The following FBXL19 variants were observed in gnomAD, a reference collection of about 807,000 sequenced individuals.
The protein encoded by FBXL19 is F-box and leucine rich repeat protein 19.
Under a neutral mutation model 71.2 loss-of-function variants are expected in FBXL19, and 16 were observed. The ratio of observed to expected loss-of-function variants is 0.22; its 90% CI spans 0.15 to 0.34. The LOEUF is 0.34. FBXL19 is among the 10% of genes least tolerant of loss of function. FBXL19 has a pLI of 1.00. For synonymous variants in FBXL19, 447 were observed against 409.4 expected (o/e 1.09, Z -1.11); for missense variants, 658 against 968.2 (o/e 0.68, Z 4.25).
intron 7 of FBXL19, among the ~76,000 whole-genome samples, chr16:30,936,494 C>T (rs1001257433): frequency 4.7e-5 from 7 of 150,526 alleles, no homozygotes; most frequent in South Asian, 2.1e-4. Flanking sequence ...GCGACAATCT[C>T]GGCTCACTGC....
At chr16:30,935,475 G>A (rs935839774) in intron 7 of FBXL19, among the ~76,000 whole-genome samples, 7 of 152,188 alleles carry the variant, frequency 4.6e-5, no homozygotes, top group Non-Finnish European at 8.8e-5. Context: ...GGGCAGCAGG[G>A]AAGGCGTGCA....
chr16:30,936,403 C>T (rs1049301422), intron 7 of FBXL19, among the ~76,000 whole-genome samples: 4 of 151,614 alleles, frequency 2.6e-5, no homozygotes, highest in Non-Finnish European at 5.9e-5. Context: ...GTTGTGGGAC[C>T]TTGAATACAT....
Position 30,930,383 on chromosome 16 carries a change from G to T in FBXL19, c.1100G>T (p.Gly367Val), listed in dbSNP as rs1258101881. 6.5e-7 allele frequency: 1 copy of T among 1,542,424 alleles called. No individual in the cohort carries two copies. The highest frequency in any genetic ancestry group is 2.0e-5 in the Admixed American group (1 of 50,950). ...SGGPLLSWPL[G>V]PAPPPRPPQL... ...GGGCCCCTACTCAGCTGGCCCCTGG[G>T]CCCAGCCCCACCACCCCGGCCTCCA... The change falls in exon 7 of 11, where the codon GGC (glycine) becomes GTC (valine). Residue 367 changes from glycine to valine, a missense_variant. Coordinates refer to ENST00000338343, the MANE Select transcript of FBXL19 (RefSeq NM_001382779.1). The surrounding 1 kb of genome is among the most constrained non-coding windows in gnomAD (Gnocchi z 8.5).
chr16:30,946,272 T>C lies in FBXL19; in HGVS notation c.1628-458T>C, dbSNP rs1451038377. ...AGGCTGGGGTGCAGTGGCACAATCG[T>C]GGCTCACTGCAACCTCCACCTCTCG... On this transcript the variant is annotated intron_variant, in intron 9 of 10. Transcript: ENST00000338343. This position sits in a 1 kb window ranked among gnomAD's most constrained non-coding sequence, Gnocchi z 6.7. 1.3e-5 allele frequency among the ~76,000 whole-genome samples: 2 copies of C among 152,178 alleles called. No homozygotes were observed. The highest frequency in any genetic ancestry group is 2.9e-5 in the Non-Finnish European group (2 of 68,020).
chr16:30,940,655 TTTTGTTTG>T (rs570540459), intron 7 of FBXL19, among the ~76,000 whole-genome samples: 22 of 151,862 alleles, frequency 1.4e-4, no homozygotes, highest in East Asian at 5.8e-4. Context: ...ACTGCATGTT[TTTTGTTTG>T]TTTGTTTGTT....
Position 30,942,170 on chromosome 16 carries a change from G to A in FBXL19, c.1356G>A (p.Leu452=). The change falls in exon 8 of 11, where the codon CTG becomes CTA. Residue 452 remains leucine, a synonymous_variant. Transcript: ENST00000338343. This position sits in a 1 kb window ranked among gnomAD's most constrained non-coding sequence, Gnocchi z 5.7. ...PRMDLSRRKS[L]TPPMLSGVVR... is the part of the protein sequence containing the mutation. The stretch of plus-strand genomic sequence containing the variant: ...TGGACCTGAGCCGGCGGAAGTCACT[G>A]ACCCCGCCCATGCTCAGTGGTGTGG... 6.3e-7 allele frequency: 1 copy of A among 1,598,198 alleles called. No homozygotes were observed.
Position 30,928,495 on chromosome 16 carries a change from A to C in FBXL19, c.656A>C (p.Lys219Thr). The change falls in exon 6 of 11, where the codon AAG becomes ACG. Residue 219 changes from lysine to threonine, a missense_variant. By Grantham distance (78) the Lys-to-Thr change is moderately conservative. Coordinates refer to ENST00000338343, the MANE Select transcript of FBXL19 (RefSeq NM_001382779.1). The part of the protein sequence containing the change: ...KVKGGRERHL[K>T]KVGGDACLLR... ...AAAGGAGGCCGAGAGAGGCACCTGAAGAAGGTGGGTGGAGACGCCTGCCTC... is the reference window on the plus strand; with the variant it reads ...AAAGGAGGCCGAGAGAGGCACCTGACGAAGGTGGGTGGAGACGCCTGCCTC... 1 of 1,598,138 alleles carries C rather than the reference A, an allele frequency of 6.3e-7. No homozygotes were observed. Among genetic ancestry groups the C allele is most frequent in the Non-Finnish European group, 8.5e-7 (1 of 1,172,070 alleles).
At position 30,925,172 on chromosome 16, in the gene FBXL19, A is replaced by G. The variant is rs1161238942; in HGVS notation, c.-24-559A>G. 6.6e-6 allele frequency among the ~76,000 whole-genome samples: 1 copy of G among 150,690 alleles called. No homozygotes were observed. Among genetic ancestry groups the G allele is most frequent in the Non-Finnish European group, 1.5e-5 (1 of 67,648 alleles). On this transcript the variant is annotated intron_variant, in intron 1 of 10. Transcript: ENST00000338343. The surrounding 1 kb of genome is among the most constrained non-coding windows in gnomAD (Gnocchi z 5.0). The stretch of plus-strand genomic sequence containing the variant: ...GGCAAGGATCTCGCTGGATCTGGTG[A>G]GGATAACTGGGTTGAGGGGAAGAGA...
chr16:30,934,395 C>T (rs59622877), intron 7 of FBXL19, among the ~76,000 whole-genome samples: 362 of 150,974 alleles, frequency 2.4e-3, no homozygotes, highest in African/African-American at 8.5e-3. Flanking sequence ...CGGTGGCTCA[C>T]GCCTGTAATC....
upstream of FBXL19, chr16:30,923,199 T>A (rs1386295300): frequency 6.6e-6 from 3 of 456,408 alleles, no homozygotes; most frequent in Non-Finnish European, 1.3e-5. Context: ...TGTGAGTGCC[T>A]GGGAAGGAGG....
intron 7 of FBXL19, among the ~76,000 whole-genome samples, chr16:30,934,348 G>C (rs1431384224): frequency 2.6e-5 from 4 of 151,202 alleles, no homozygotes; most frequent in East Asian, 3.9e-4. Context: ...GGCAGGAAGA[G>C]TGAAACTCCA....
intron 7 of FBXL19, among the ~76,000 whole-genome samples, chr16:30,934,162 GA>G (rs1361910998): frequency 6.7e-6 from 1 of 150,362 alleles, no homozygotes; most frequent in East Asian, 2.1e-4. Flanking sequence ...AGGAGTTCGA[GA>G]CCAGCCTCGC....
rs1216435818 is a variant in FBXL19, at chr16:30,925,441, AGAG to A, written c.-24-286_-24-284del. ...CAAGGAGCTCCGGTGTGGGGATGGC[AGAG>A]GAGAGGGCCTCGGTGTCCCCTCCTG... On this transcript the variant is annotated intron_variant, in intron 1 of 10. Coordinates refer to ENST00000338343, the MANE Select transcript of FBXL19 (RefSeq NM_001382779.1). The surrounding 1 kb of genome is among the most constrained non-coding windows in gnomAD (Gnocchi z 5.0). Among the ~76,000 whole-genome samples the A allele has an allele frequency of 6.6e-6, 1 of 152,072 alleles. No homozygotes were observed. The highest frequency in any genetic ancestry group is 1.5e-5 in the Non-Finnish European group (1 of 67,966).
chr16:30,943,394 AGGT>A (rs2055823407), intron 9 of FBXL19, among the ~76,000 whole-genome samples: 1 of 50,152 alleles, frequency 2.0e-5, no homozygotes. Context: ...TTTTTTTTTG[AGGT>A]GAAGTCTTGC....
At position 30,942,425 on chromosome 16, in the gene FBXL19, C is replaced by T. The variant is rs746241030; in HGVS notation, c.1516C>T (p.Leu506=). Residue 506 remains leucine, a synonymous_variant, in exon 9 of 11, where the codon CTG becomes TTG. Coordinates refer to ENST00000338343, the MANE Select transcript of FBXL19 (RefSeq NM_001382779.1). The surrounding 1 kb of genome is among the most constrained non-coding windows in gnomAD (Gnocchi z 5.7). The part of the protein sequence containing the change: ...SGCSWLSVSA[L]GSAPLPALRL... ...CTGCTCCTGGCTCTCTGTCTCTGCC[C>T]TGGGCTCAGCCCCACTGCCAGCCCT... The T allele has an allele frequency of 6.2e-7, 1 of 1,608,754 alleles. No homozygotes were observed. The highest frequency in any genetic ancestry group is 1.1e-5 in the South Asian group (1 of 89,912).
chr16:30,936,980 A>G (rs2055745322), intron 7 of FBXL19, among the ~76,000 whole-genome samples: 1 of 151,786 alleles, frequency 6.6e-6, no homozygotes, highest in African/African-American at 2.4e-5. Context: ...TGACCTCGTG[A>G]TCCGCCCTCC....
rs1372106559 is a variant in FBXL19, at chr16:30,948,559, C to T, written c.*1329C>T. ...ATGTAGGGGAGGGGAGATCTATCCA[C>T]ATACCTCAGGTAACAGGGAGGTGCG... On this transcript the variant is annotated 3_prime_UTR_variant, in exon 11 of 11. Transcript: ENST00000338343. The T allele has an allele frequency of 6.9e-6, 1 of 144,994 alleles. No individual in the cohort carries two copies. The highest frequency in any genetic ancestry group is 2.1e-4 in the East Asian group (1 of 4,854). The allele number at this position is 144,994 out of a possible 1,614,324, so 9.0% of individuals were successfully genotyped here.
chr16:30,942,104 T>A lies in FBXL19; in HGVS notation c.1302-12T>A. ...AGGGCTGAGGTCTCTGTCTCCCCCC[T>A]ATGGCCGCCAGGTGCTATGACAAGC... On this transcript the variant is annotated splice_polypyrimidine_tract_variant and intron_variant, in intron 7 of 10. Transcript: ENST00000338343. The surrounding 1 kb of genome is among the most constrained non-coding windows in gnomAD (Gnocchi z 5.7). 6.4e-7 allele frequency: 1 copy of A among 1,558,570 alleles called. No homozygotes were observed.
chr16:30,924,414 C>T lies in FBXL19; in HGVS notation c.-70C>T. The T allele has an allele frequency of 4.1e-6, 1 of 245,006 alleles. No homozygotes were observed. The highest frequency in any genetic ancestry group is 7.8e-6 in the Non-Finnish European group (1 of 128,584). The allele number at this position is 245,006 out of a possible 1,614,324, so 15.2% of individuals were successfully genotyped here. On this transcript the variant is annotated 5_prime_UTR_variant, in exon 1 of 11. Transcript: ENST00000338343. Reference sequence around the variant, plus strand: ...CCGCCGCCGATGGCCGCCGACCCGCCGGGAGCTGCCGAGAAGGGAGAGATG... The same window carrying T: ...CCGCCGCCGATGGCCGCCGACCCGCTGGGAGCTGCCGAGAAGGGAGAGATG...
Sources: gnomAD v4.1 joint callset for allele counts (sites outside exome capture counted in the v4.1 genomes callset) on GRCh38, gnomAD v4.1.1 for gene constraint, Gnocchi (gnomAD v3.1) non-coding constraint, MANE v1.5 for transcripts, NCBI Gene and HGNC (gene_info 2026-07-23, HGNC 2026-07-21) for gene names.